SSBP3: variants seen among roughly 807,000 people sequenced by gnomAD.
SSBP3 encodes the protein single-stranded DNA-binding protein 3.
A neutral mutation model predicts 69.6 loss-of-function variants in SSBP3; 5 were observed. The ratio of observed to expected loss-of-function variants is 0.07; its 90% CI spans 0.04 to 0.15. The LOEUF is 0.15. SSBP3 is among the 10% of genes least tolerant of loss of function. The pLI is 1.00. For missense variants in SSBP3, 312 were observed against 534.0 expected (o/e 0.58, Z 4.10); for synonymous variants, 196 against 193.4 (o/e 1.01, Z -0.11).
intron 5 of SSBP3, among the ~76,000 whole-genome samples, chr1:54,260,140 G>A (rs545133769): frequency 9.9e-5 from 15 of 152,176 alleles, no homozygotes; most frequent in East Asian, 9.6e-4. Flanking sequence ...TTTGTACCAC[G>A]TAACTTGGGT....
chr1:54,404,461 G>A (rs370295802), intron 3 of SSBP3, 115 bp downstream of exon 3: 311 of 1,300,696 alleles, frequency 2.4e-4, no homozygotes, highest in Non-Finnish European at 5.7e-5. Context: ...CCCGCTCTGT[G>A]CAACGCAGAG....
At chr1:54,282,041 A>AAATAATAATAATAATAATAATAATAAT (rs61443250) in intron 4 of SSBP3, among the ~76,000 whole-genome samples, 17 of 142,902 alleles carry the variant, frequency 1.2e-4, no homozygotes, top group South Asian at 4.5e-4. Flanking sequence ...GCCCTATCTC[A>AAATAATAATAATAATAATAATAATAAT]AATAATAATA....
chr1:54,319,984 A>C (rs1229861228), intron 4 of SSBP3, among the ~76,000 whole-genome samples: 1 of 152,174 alleles, frequency 6.6e-6, no homozygotes, highest in Non-Finnish European at 1.5e-5. Context: ...AGGCTCCCTC[A>C]GTGTCCAGAC....
At position 54,242,231 on chromosome 1, in the gene SSBP3, G is replaced by C; in HGVS notation, c.717-19C>G. The C allele has an allele frequency of 6.2e-7, 1 of 1,613,776 alleles. No individual in the cohort carries two copies. The highest frequency in any genetic ancestry group is 8.5e-7 in the Non-Finnish European group (1 of 1,179,900). On this transcript the variant is annotated intron_variant, in intron 10 of 17. Coordinates refer to ENST00000610401, the Ensembl canonical transcript of SSBP3. ...CGGGCCCCTGAGAGAGGGAGAAAGA[G>C]ATGTGGACAATGAAAAAGGCGCTGT... is the stretch of plus-strand genomic sequence containing the variant.
At chr1:54,339,956 G>A (rs1646577900) in intron 4 of SSBP3, among the ~76,000 whole-genome samples, 1 of 152,098 alleles carries the variant, frequency 6.6e-6, no homozygotes, top group Non-Finnish European at 1.5e-5. Context: ...AGGCGGAAAG[G>A]TCAAACATAA....
chr1:54,345,988 A>AT (rs2100550657), intron 4 of SSBP3, among the ~76,000 whole-genome samples: 1 of 135,960 alleles, frequency 7.4e-6, no homozygotes, highest in South Asian at 2.1e-4. Flanking sequence ...CAAAAATACA[A>AT]AAAAAAAAAA....
intron 4 of SSBP3, among the ~76,000 whole-genome samples, chr1:54,391,634 C>T (rs1367831201): frequency 6.6e-6 from 1 of 152,202 alleles, no homozygotes; most frequent in Non-Finnish European, 1.5e-5. Context: ...AGCAGTTGTG[C>T]TTCTTAAGGT....
intron 3 of SSBP3, among the ~76,000 whole-genome samples, chr1:54,404,077 C>G (rs1649506701): frequency 6.6e-6 from 1 of 152,148 alleles, no homozygotes; most frequent in African/African-American, 2.4e-5. Flanking sequence ...GAATCAGTAT[C>G]TTTAAAGGAA....
At chr1:54,404,810 G>T (rs1279971265) in intron 2 of SSBP3, 48 bp downstream of exon 2, 29 of 729,732 alleles carry the variant, frequency 4.0e-5, no homozygotes, top group East Asian at 2.3e-4. Context: ...AAGAATAGTG[G>T]GGGGGGGGGG....
At position 54,390,785 on chromosome 1, in the gene SSBP3, G is replaced by A. The variant is rs1028952028; in HGVS notation, c.276+11076C>T. 5.9e-5 allele frequency among the ~76,000 whole-genome samples: 9 copies of A among 152,350 alleles called. No homozygotes were observed. In the East Asian group the frequency reaches 1.2e-3, roughly 20 times the overall value. On this transcript the variant is annotated intron_variant, in intron 4 of 17. Coordinates refer to ENST00000610401, the Ensembl canonical transcript of SSBP3. ...CTGCCCGGAGCTGCGGGCCAGGGCC[G>A]CCGCCCGTAACACAAGCGGGCTCCG...
intron 5 of SSBP3, among the ~76,000 whole-genome samples, chr1:54,269,339 G>A (rs767422297): frequency 9.2e-5 from 14 of 152,108 alleles, no homozygotes; most frequent in Non-Finnish European, 1.3e-4. Flanking sequence ...AGCCCTTGAC[G>A]GCCCAGAAGA....
intron 4 of SSBP3, among the ~76,000 whole-genome samples, chr1:54,316,688 ATAAATAAATAAATAAATAAAT>A: frequency 7.6e-6 from 1 of 131,018 alleles, no homozygotes; most frequent in African/African-American, 3.4e-5. Context: ...AAATAAATAA[ATAAATAAATAAATAAATAAAT>A]AAAATAAAAT....
At chr1:54,313,656 T>C (rs1343086341) in intron 4 of SSBP3, among the ~76,000 whole-genome samples, 2 of 152,096 alleles carry the variant, frequency 1.3e-5, no homozygotes, top group South Asian at 2.1e-4. Context: ...CCTGCAGCCG[T>C]AGGCTGCCCA....
chr1:54,290,918 T>G (rs1431170436), intron 4 of SSBP3, among the ~76,000 whole-genome samples: 1 of 152,146 alleles, frequency 6.6e-6, no homozygotes, highest in Non-Finnish European at 1.5e-5. Context: ...TTTACACCAT[T>G]AGCAAAACAC....
chr1:54,356,278 CA>C (rs1646863248), intron 4 of SSBP3: 1 of 152,252 alleles, frequency 6.6e-6, no homozygotes, highest in African/African-American at 2.4e-5. Flanking sequence ...AACCAGCAGC[CA>C]GGGGGAGGGG....
chr1:54,296,552 G>A (rs1257178964), intron 4 of SSBP3, among the ~76,000 whole-genome samples: 1 of 152,144 alleles, frequency 6.6e-6, no homozygotes, highest in Non-Finnish European at 1.5e-5. Context: ...TGTGGCCTCC[G>A]GTCCATACAC....
rs758425621 is a variant in SSBP3, at chr1:54,258,031, CGCGTCCCCG to C, written c.447+29_447+37del. The stretch of plus-strand genomic sequence containing the variant: ...CGGGCTCTCTGCTTCCTCCGCGCCC[CGCGTCCCCG>C]GCGGGCGGGAGCGCCACGGTGCGTT... On this transcript the variant is annotated intron_variant, in intron 6 of 17. Coordinates refer to ENST00000610401, the Ensembl canonical transcript of SSBP3. This position sits in a 1 kb window ranked among gnomAD's most constrained non-coding sequence, Gnocchi z 4.5. The C allele has an allele frequency of 6.4e-7, 1 of 1,553,600 alleles. No individual in the cohort carries two copies. The highest frequency in any genetic ancestry group is 1.2e-5 in the South Asian group (1 of 84,276).
rs1008647523 is a variant in SSBP3 at position 54,396,223 on chromosome 1, C to A, written c.276+5638G>T. Among the ~76,000 whole-genome samples the A allele has an allele frequency of 6.8e-4, 85 of 124,870 alleles. 1 individual carries two copies. The highest frequency in any genetic ancestry group is 1.8e-3 in the African/African-American group (56 of 31,562). The allele number at this position is 124,870 out of a possible 152,430, so 81.9% of individuals were successfully genotyped here. The stretch of plus-strand genomic sequence containing the variant: ...AAAAAAAAAAAAAAAAAAAAAACAA[C>A]CCCATTACCCCAGCGAATCAAAAAC... On this transcript the variant is annotated intron_variant, in intron 4 of 17. Transcript: ENST00000610401.
chr1:54,280,937 C>G (rs1249565631), intron 5 of SSBP3, among the ~76,000 whole-genome samples: 1 of 152,054 alleles, frequency 6.6e-6, no homozygotes, highest in Non-Finnish European at 1.5e-5. Context: ...AAGTGGTTAA[C>G]CAGAGGGAAA....
Sources: gnomAD v4.1 joint callset for allele counts (sites outside exome capture counted in the v4.1 genomes callset) on GRCh38, gnomAD v4.1.1 for gene constraint, Gnocchi (gnomAD v3.1) non-coding constraint, MANE v1.5 for transcripts, NCBI Gene and HGNC (gene_info 2026-07-23, HGNC 2026-07-21) for gene names.